The following ANKRD11 variants were observed in gnomAD, a reference collection of about 807,000 sequenced individuals.
ANKRD11 encodes ankyrin repeat domain 11, also known as ankyrin repeat domain-containing protein 11.
In ANKRD11, 17 loss-of-function variants were observed where a neutral mutation model predicts 195.7. The ratio of observed to expected loss-of-function variants is 0.09; its 90% CI spans 0.06 to 0.13. The LOEUF (loss-of-function observed/expected upper bound fraction) is 0.13. Ranked by LOEUF, ANKRD11 falls within the 10% of genes least tolerant of loss-of-function variation. The pLI, the probability that ANKRD11 is intolerant of heterozygous loss-of-function variation, is 1.00. For missense variants in ANKRD11, 3,735 were observed against 3,566.1 expected, an observed-to-expected ratio of 1.05 and a Z score of -1.21; for synonymous variants, 1,953 against 1,528.1, an observed-to-expected ratio of 1.28 and a Z score of -6.49.
At chr16:89,423,798 C>T (rs139546058) in intron 1 of ANKRD11, among the ~76,000 whole-genome samples, 5 of 152,324 alleles carry the variant, frequency 3.3e-5, no homozygotes, top group Admixed American at 2.6e-4. Context: ...TAAATCTACG[C>T]AATGGCAGCC....
intron 1 of ANKRD11, among the ~76,000 whole-genome samples, chr16:89,441,641 C>G (rs1384101211): frequency 2.6e-5 from 4 of 151,744 alleles, no homozygotes. Context: ...GTGGTGGGCA[C>G]CTGCAGTCCC....
intron 2 of ANKRD11, among the ~76,000 whole-genome samples, chr16:89,407,696 C>G (rs1045400566): frequency 1.3e-5 from 2 of 151,952 alleles, no homozygotes; most frequent in Non-Finnish European, 2.9e-5. Context: ...TAGACACACA[C>G]AGAATTAGCC....
At chr16:89,413,067 G>A (rs2042160650) in intron 2 of ANKRD11, among the ~76,000 whole-genome samples, 1 of 152,316 alleles carries the variant, frequency 6.6e-6, no homozygotes, top group Non-Finnish European at 1.5e-5. Context: ...GAGCCTGGAG[G>A]GGGAGGGAGT....
At chr16:89,382,106 G>C (rs2040683635) in intron 2 of ANKRD11, among the ~76,000 whole-genome samples, 1 of 152,186 alleles carries the variant, frequency 6.6e-6, no homozygotes, top group Admixed American at 6.5e-5. Context: ...AACGGGCGAG[G>C]GGGACGCGGC....
At chr16:89,314,873 T>C (rs2036852377) in intron 3 of ANKRD11, among the ~76,000 whole-genome samples, 2 of 152,198 alleles carry the variant, frequency 1.3e-5, no homozygotes, top group African/African-American at 4.8e-5. Context: ...TGGGATCCTC[T>C]GTGAAGCGCA....
At chr16:89,359,534 C>T (rs527703917) in intron 2 of ANKRD11, among the ~76,000 whole-genome samples, 44 of 152,206 alleles carry the variant, frequency 2.9e-4, no homozygotes, top group Non-Finnish European at 5.7e-4. Context: ...CTCCTTGTTC[C>T]GGCCCTGCAG....
At position 89,279,570 on chromosome 16, in the gene ANKRD11, C is replaced by T. The variant is rs1166033862; in HGVS notation, c.6972G>A (p.Pro2324=). Residue 2324 remains proline, a synonymous_variant, in exon 9 of 13, where the codon CCG becomes CCA. Transcript: ENST00000301030. This position sits in a 1 kb window ranked among gnomAD's most constrained non-coding sequence, Gnocchi z 5.6. ...GGATCTCCTCCACTCGGGGGGCCTT[C>T]GGGGCTTCGGCCGTGGGTTTTGGTT... ...AAEPKPTAEA[P]KAPRVEEIPQ... 2.8e-6 allele frequency: 4 copies of T among 1,447,452 alleles called. No individual in the cohort carries two copies. The highest frequency in any genetic ancestry group is 1.4e-5 in the African/African-American group (1 of 70,490). 89.7% of individuals were successfully genotyped at this position (1,447,452 alleles called of 1,614,324 possible).
chr16:89,300,650 G>C, intron 4 of ANKRD11: 1 of 508,214 alleles, frequency 2.0e-6, no homozygotes, highest in Non-Finnish European at 3.5e-6. Flanking sequence ...CAGGAATGGG[G>C]AAGCAGGAGC....
chr16:89,340,645 T>A (rs943791635), intron 2 of ANKRD11, among the ~76,000 whole-genome samples: 2 of 152,240 alleles, frequency 1.3e-5, no homozygotes, highest in Admixed American at 6.5e-5. Flanking sequence ...TCATCTTTTT[T>A]TCTAACATGA....
chr16:89,280,819 G>A lies in ANKRD11; in HGVS notation c.5723C>T (p.Pro1908Leu), dbSNP rs755312630. 1.1e-5 allele frequency: 18 copies of A among 1,602,828 alleles called. No individual in the cohort carries two copies. Among genetic ancestry groups the A allele is most frequent in the Non-Finnish European group, 1.5e-5 (17 of 1,171,560 alleles). Residue 1908 changes from proline (P) to leucine (L), a missense_variant, in exon 9 of 13, where the codon CCC becomes CTC. Pro to Leu is a moderately conservative substitution (Grantham distance 98). Transcript: ENST00000301030. ...GTCCTCGGAGGTGTCCAGGTCCGGG[G>A]GAAGGGCCCCTTCGAGGGAAGGAAC... Reference protein sequence around the residue: ...LLVPSLEGALPPDLDTSEDQQ... With the variant: ...LLVPSLEGALLPDLDTSEDQQ...
intron 3 of ANKRD11, among the ~76,000 whole-genome samples, chr16:89,315,301 C>T (rs1266703076): frequency 1.3e-5 from 2 of 152,178 alleles, no homozygotes; most frequent in African/African-American, 4.8e-5. Flanking sequence ...CAGGACCCAA[C>T]CCCACGAGAT....
At position 89,279,299 on chromosome 16, in the gene ANKRD11, G is replaced by A. The variant is rs778144283; in HGVS notation, c.7243C>T (p.Leu2415=). The A allele has an allele frequency of 6.2e-7, 1 of 1,611,812 alleles. No homozygotes were observed. The highest frequency in any genetic ancestry group is 1.7e-5 in the Admixed American group (1 of 59,982). Residue 2415 remains leucine, a synonymous_variant, in exon 9 of 13, where the codon CTG becomes TTG. Coordinates refer to ENST00000301030, the MANE Select transcript of ANKRD11 (RefSeq NM_013275.6). The surrounding 1 kb of genome is among the most constrained non-coding windows in gnomAD (Gnocchi z 5.6). Reference sequence around the variant, plus strand: ...TTGATGGCGTCCACGATGGCGGCCAGCGTCTGCTGGATCACCTCCCGCGTC... The same window carrying A: ...TTGATGGCGTCCACGATGGCGGCCAACGTCTGCTGGATCACCTCCCGCGTC... ...QQTREVIQQT[L]AAIVDAIKLD... is the part of the protein sequence containing the mutation.
intron 2 of ANKRD11, chr16:89,324,476 A>C (rs931054513): frequency 2.2e-6 from 1 of 456,748 alleles, no homozygotes; most frequent in East Asian, 6.9e-5. Context: ...GACTGGACTA[A>C]AGGATGTGTA....
chr16:89,410,082 G>A (rs1179073350), intron 2 of ANKRD11, among the ~76,000 whole-genome samples: 1 of 152,068 alleles, frequency 6.6e-6, no homozygotes, highest in Non-Finnish European at 1.5e-5. Context: ...CTCGTGATCC[G>A]CCCGCCTCGG....
intron 1 of ANKRD11, among the ~76,000 whole-genome samples, chr16:89,469,473 T>C (rs1402108711): frequency 1.3e-5 from 2 of 152,056 alleles, no homozygotes; most frequent in Admixed American, 6.6e-5. Flanking sequence ...TCCACCCACC[T>C]TGGCCTCCCG....
chr16:89,462,092 C>A (rs2056696621), intron 1 of ANKRD11, among the ~76,000 whole-genome samples: 1 of 128,764 alleles, frequency 7.8e-6, no homozygotes, highest in African/African-American at 2.8e-5. Context: ...CCATGGTCTC[C>A]CTCTCCCTCT....
intron 1 of ANKRD11, among the ~76,000 whole-genome samples, chr16:89,440,647 GAAGAAAGCAT>G (rs2043409954): frequency 6.6e-6 from 1 of 152,070 alleles, no homozygotes; most frequent in Non-Finnish European, 1.5e-5. Flanking sequence ...AGAGGGAAAG[GAAGAAAGCAT>G]AAGAAAATAT....
Position 89,285,423 on chromosome 16 carries a change from T to C in ANKRD11, c.1119A>G (p.Lys373=). The change falls in exon 9 of 13, where the codon AAA becomes AAG. Residue 373 remains lysine (K), a synonymous_variant. Transcript: ENST00000301030. This position sits in a 1 kb window ranked among gnomAD's most constrained non-coding sequence, Gnocchi z 5.6. ...DKHLLKKDYR[K]ETKSNSFISI... ...AGATAAAACTATTGGATTTCGTTTC[T>C]TTTCTGTAGTCCTTTTTCAATAGGT... 1 of 1,614,190 alleles carries C rather than the reference T, an allele frequency of 6.2e-7. No homozygotes were observed. The highest frequency in any genetic ancestry group is 8.5e-7 in the Non-Finnish European group (1 of 1,180,036).
rs773850236 is a variant in ANKRD11, at chr16:89,281,316, C to T, written c.5226G>A (p.Ser1742=). Residue 1742 remains serine, a synonymous_variant, in exon 9 of 13, where the codon TCG becomes TCA. Transcript: ENST00000301030. The surrounding 1 kb of genome is among the most constrained non-coding windows in gnomAD (Gnocchi z 5.5). ...CGGTGGGCACGGGCGTGGAGTGCTGCGAGTCGGCGCAGTCGAACACGAGGT... is the reference window on the plus strand; with the variant it reads ...CGGTGGGCACGGGCGTGGAGTGCTGTGAGTCGGCGCAGTCGAACACGAGGT... ...YADLVFDCAD[S]QHSTPVPTAP... 7.4e-6 allele frequency: 12 copies of T among 1,613,754 alleles called. No individual in the cohort carries two copies. The African/African-American group carries it at 9.3e-5, about 13-fold the overall frequency.
Sources: gnomAD v4.1 joint callset for allele counts (sites outside exome capture counted in the v4.1 genomes callset) on GRCh38, gnomAD v4.1.1 for gene constraint, Gnocchi (gnomAD v3.1) non-coding constraint, MANE v1.5 for transcripts, NCBI Gene and HGNC (gene_info 2026-07-23, HGNC 2026-07-21) for gene names.